The following STXBP4 variants were observed in gnomAD, a reference collection of about 807,000 sequenced individuals.
The protein encoded by STXBP4 is syntaxin-binding protein 4.
In STXBP4, 55 loss-of-function variants were observed where a neutral mutation model predicts 76.1. The observed-to-expected ratio is 0.72, with a 90% CI of 0.58 to 0.91. STXBP4 has a LOEUF of 0.91. Ranked by LOEUF, STXBP4 falls within the 40% of genes least tolerant of loss-of-function variation. The pLI is 0.00. For synonymous variants in STXBP4, 201 were observed against 220.2 expected (o/e 0.91, Z 0.77); for missense variants, 618 against 636.9 (o/e 0.97, Z 0.32).
chr17:55,197,612 A>G, the STXBP4 span, among the ~76,000 whole-genome samples: 234 of 152,206 alleles, frequency 1.5e-3, 1 homozygote, highest in Non-Finnish European at 2.5e-3. Flanking sequence ...GCGTGGTGGC[A>G]TGCACCTGTA....
At chr17:54,990,322 A>G (rs12940106) in intron 3 of STXBP4, among the ~76,000 whole-genome samples, 30,788 of 152,088 alleles carry the variant, frequency 0.2, 3,659 homozygotes, top group Non-Finnish European at 0.27. Flanking sequence ...TAGGGCAAGT[A>G]AGCATTACTG....
chr17:55,188,260 G>A, the STXBP4 span, among the ~76,000 whole-genome samples: 1 of 152,372 alleles, frequency 6.6e-6, no homozygotes, highest in Non-Finnish European at 1.5e-5. Context: ...CTAACTGGCT[G>A]TGTAACTCAC....
Position 54,999,743 on chromosome 17 carries a change from A to G in STXBP4, c.399A>G (p.Gln133=), listed in dbSNP as rs34850928. 1,961 of 1,613,700 alleles carry G rather than the reference A, an allele frequency of 1.2e-3. 24 individuals are homozygous for G. In the African/African-American group the frequency reaches 0.024, roughly 19 times the overall value. ...AAGCTTCAGGAGAATATGGACCTCA[A>G]GCCTCAACATTAAGTCTTTTTTCTT... ...LIEASGEYGP[Q]ASTLSLFSSP... is the part of the protein sequence containing the mutation. Residue 133 remains glutamine, a synonymous_variant, in exon 6 of 18, where the codon CAA becomes CAG. Transcript: ENST00000376352.
chr17:55,180,008 A>G, the STXBP4 span, among the ~76,000 whole-genome samples: 1 of 152,146 alleles, frequency 6.6e-6, no homozygotes, highest in Admixed American at 6.5e-5. Flanking sequence ...TAAGGTGCCC[A>G]CTTTCTACCC....
chr17:55,190,534 T>C, the STXBP4 span, among the ~76,000 whole-genome samples: 1 of 152,104 alleles, frequency 6.6e-6, no homozygotes, highest in Non-Finnish European at 1.5e-5. Flanking sequence ...AAAGAGAAAC[T>C]ATAAAGTCTG....
At chr17:55,049,421 T>A (rs1468522441) in intron 12 of STXBP4, among the ~76,000 whole-genome samples, 4 of 151,886 alleles carry the variant, frequency 2.6e-5, no homozygotes, top group African/African-American at 4.8e-5. Context: ...AAGATGCAAA[T>A]TTTTTAATGG....
At chr17:55,047,208 G>C in intron 12 of STXBP4, 54 bp downstream of exon 12, 2 of 1,069,978 alleles carry the variant, frequency 1.9e-6, no homozygotes, top group African/African-American at 3.2e-5. Context: ...GTGTGTGTGT[G>C]TGTGTGTGTG....
chr17:55,117,194 G>T (rs2079790752), intron 16 of STXBP4, among the ~76,000 whole-genome samples: 1 of 151,576 alleles, frequency 6.6e-6, no homozygotes, highest in Admixed American at 6.6e-5. Context: ...TTAATCTATT[G>T]TCTCTTAGAA....
chr17:54,971,503 T>G (rs976527018), intron 1 of STXBP4, among the ~76,000 whole-genome samples: 1 of 152,188 alleles, frequency 6.6e-6, no homozygotes, highest in African/African-American at 2.4e-5. Context: ...TGAGATCAGG[T>G]TCCCACCCTT....
intron 12 of STXBP4, among the ~76,000 whole-genome samples, chr17:55,072,537 G>A (rs1408199916): frequency 2.0e-5 from 3 of 152,210 alleles, no homozygotes; most frequent in African/African-American, 7.2e-5. Flanking sequence ...AGCCTTTTTA[G>A]AACATGAGTC....
At chr17:55,183,832 G>A in the STXBP4 span, among the ~76,000 whole-genome samples, 1 of 152,264 alleles carries the variant, frequency 6.6e-6, no homozygotes, top group South Asian at 2.1e-4. Flanking sequence ...TTGCCAGGTA[G>A]CTGTGGCAAT....
At chr17:54,995,881 T>C (rs2077793082) in intron 4 of STXBP4, among the ~76,000 whole-genome samples, 2 of 152,144 alleles carry the variant, frequency 1.3e-5, no homozygotes, top group African/African-American at 4.8e-5. Flanking sequence ...CTTTAACCTA[T>C]TGTGGACTTA....
chr17:55,209,806 T>C, the STXBP4 span, among the ~76,000 whole-genome samples: 1 of 152,226 alleles, frequency 6.6e-6, no homozygotes, highest in Non-Finnish European at 1.5e-5. Flanking sequence ...AACATGGCTC[T>C]GCATCCCACC....
intron 8 of STXBP4, among the ~76,000 whole-genome samples, chr17:55,025,165 A>T (rs1004380877): frequency 4.0e-5 from 6 of 151,716 alleles, no homozygotes; most frequent in Non-Finnish European, 5.9e-5. Flanking sequence ...AATTTAATTT[A>T]AAAAAAAGTA....
chr17:55,206,850 C>T, the STXBP4 span, among the ~76,000 whole-genome samples: 4 of 84,938 alleles, frequency 4.7e-5, no homozygotes, highest in African/African-American at 8.7e-5. Context: ...GAGGAAACTC[C>T]GTCTCAGAAA....
chr17:55,134,541 G>A (rs956945762), intron 16 of STXBP4, among the ~76,000 whole-genome samples: 1 of 152,116 alleles, frequency 6.6e-6, no homozygotes, highest in Non-Finnish European at 1.5e-5. Flanking sequence ...AGAAATTGAT[G>A]TATGGGGTGG....
At chr17:54,992,162 C>G (rs2077727655) in intron 4 of STXBP4, among the ~76,000 whole-genome samples, 1 of 151,952 alleles carries the variant, frequency 6.6e-6, no homozygotes, top group Non-Finnish European at 1.5e-5. Flanking sequence ...TGCCTGTAAT[C>G]CTAGCTTTGG....
chr17:55,051,118 T>C (rs2078853152), intron 12 of STXBP4, among the ~76,000 whole-genome samples: 1 of 152,180 alleles, frequency 6.6e-6, no homozygotes, highest in Non-Finnish European at 1.5e-5. Context: ...TGGGTAGATA[T>C]GCATGTTAAG....
intron 12 of STXBP4, among the ~76,000 whole-genome samples, chr17:55,070,849 C>G (rs1000593347): frequency 1.3e-5 from 2 of 152,082 alleles, no homozygotes; most frequent in African/African-American, 2.4e-5. Context: ...TTGTAACATC[C>G]TCTTTTCTTC....
Sources: gnomAD v4.1 joint callset for allele counts (sites outside exome capture counted in the v4.1 genomes callset) on GRCh38, gnomAD v4.1.1 for gene constraint, MANE v1.5 for transcripts, NCBI Gene and HGNC (gene_info 2026-07-23, HGNC 2026-07-21) for gene names.